The following MECOM variants were observed in gnomAD, a reference collection of about 807,000 sequenced individuals.
MECOM encodes MDS1 and EVI1 complex locus.
A neutral mutation model predicts 116.3 loss-of-function variants in MECOM; 13 were observed. The observed-to-expected ratio is 0.11, with a 90% CI of 0.07 to 0.18. The LOEUF (loss-of-function observed/expected upper bound fraction) is 0.18. MECOM is among the 10% of genes least tolerant of loss of function. The pLI, the probability that MECOM is intolerant of heterozygous loss-of-function variation, is 1.00. For synonymous variants in MECOM, 528 were observed against 535.2 expected (o/e 0.99, Z 0.19); for missense variants, 1,299 against 1,509.0 (o/e 0.86, Z 2.31).
At chr3:169,205,979 C>G (rs1261841026) in intron 2 of MECOM, among the ~76,000 whole-genome samples, 1 of 152,122 alleles carries the variant, frequency 6.6e-6, no homozygotes, top group Non-Finnish European at 1.5e-5. Context: ...TTGCATCTTC[C>G]CTTAGAAACA....
intron 1 of MECOM, among the ~76,000 whole-genome samples, chr3:169,412,951 T>C (rs1331151102): frequency 3.3e-5 from 5 of 152,268 alleles, no homozygotes; most frequent in Admixed American, 6.5e-5. Context: ...GTTTTATTCA[T>C]GGTCAAGATA....
chr3:169,505,626 G>A (rs1169449437), intron 1 of MECOM, among the ~76,000 whole-genome samples: 1 of 152,188 alleles, frequency 6.6e-6, no homozygotes, highest in East Asian at 1.9e-4. Context: ...TTTCAAGTAT[G>A]CAATACAATA....
intron 1 of MECOM, among the ~76,000 whole-genome samples, chr3:169,567,056 G>A (rs931340292): frequency 4.6e-5 from 7 of 152,142 alleles, no homozygotes; most frequent in Non-Finnish European, 8.8e-5. Flanking sequence ...GGTTTATGTC[G>A]TTGCCTCAAT....
At chr3:169,416,590 C>T (rs1578033527) in intron 1 of MECOM, among the ~76,000 whole-genome samples, 1 of 151,604 alleles carries the variant, frequency 6.6e-6, no homozygotes. Context: ...AATCCAGGAG[C>T]TGTTTTTTTT....
chr3:169,306,034 A>G (rs1300288667), intron 2 of MECOM, among the ~76,000 whole-genome samples: 4 of 152,126 alleles, frequency 2.6e-5, no homozygotes, highest in South Asian at 4.2e-4. Context: ...ATCTAGGTAC[A>G]TTGTTACCGC....
intron 1 of MECOM, among the ~76,000 whole-genome samples, chr3:169,655,458 A>G (rs1775428964): frequency 6.6e-6 from 1 of 152,218 alleles, no homozygotes; most frequent in African/African-American, 2.4e-5. Context: ...TTGCCTAATG[A>G]TAACTAGAGA....
intron 2 of MECOM, among the ~76,000 whole-genome samples, chr3:169,199,145 T>C (rs1278910942): frequency 3.3e-5 from 5 of 151,992 alleles, no homozygotes; most frequent in African/African-American, 7.2e-5. Context: ...AAGAATATAT[T>C]TGAAGTAGAA....
chr3:169,368,823 T>C (rs1258729496), intron 2 of MECOM, among the ~76,000 whole-genome samples: 1 of 152,038 alleles, frequency 6.6e-6, no homozygotes, highest in Non-Finnish European at 1.5e-5. Context: ...AGTTTTACTA[T>C]TGACTTAGTG....
chr3:169,577,017 T>C (rs1208660323), intron 1 of MECOM, among the ~76,000 whole-genome samples: 2 of 152,170 alleles, frequency 1.3e-5, no homozygotes, highest in Non-Finnish European at 2.9e-5. Flanking sequence ...TTAGACATGG[T>C]TTAGTGTAGG....
At chr3:169,435,487 C>G (rs1388219704) in intron 1 of MECOM, among the ~76,000 whole-genome samples, 2 of 151,982 alleles carry the variant, frequency 1.3e-5, no homozygotes, top group Admixed American at 6.6e-5. Context: ...GCCTGGGGAC[C>G]CAAAGGGAAG....
chr3:169,553,075 C>CA (rs879571672), intron 1 of MECOM, among the ~76,000 whole-genome samples: 105 of 134,570 alleles, frequency 7.8e-4, no homozygotes, highest in East Asian at 1.5e-3. Flanking sequence ...TTTTCAAAGA[C>CA]AAAAAAAAAA....
At chr3:169,252,602 G>T (rs1756384446) in intron 2 of MECOM, among the ~76,000 whole-genome samples, 1 of 151,808 alleles carries the variant, frequency 6.6e-6, no homozygotes, top group African/African-American at 2.4e-5. Flanking sequence ...ATGCAATCAA[G>T]TCTTAGGCTA....
chr3:169,594,072 G>A (rs1766770068), intron 1 of MECOM, among the ~76,000 whole-genome samples: 1 of 143,846 alleles, frequency 7.0e-6, no homozygotes, highest in African/African-American at 2.6e-5. Context: ...AGTGAGCCGA[G>A]ATTGCACCAC....
intron 1 of MECOM, 64 bp downstream of exon 1, chr3:169,663,272 G>A: frequency 6.4e-7 from 1 of 1,555,878 alleles, no homozygotes; most frequent in Non-Finnish European, 8.7e-7. Flanking sequence ...CGGAGCGCTA[G>A]AGACAGATAT....
At chr3:169,472,893 A>T in intron 1 of MECOM, 1 of 812,542 alleles carries the variant, frequency 1.2e-6, no homozygotes, top group Non-Finnish European at 1.5e-6. Flanking sequence ...TTGTGGTAAG[A>T]CAAATATGTC....
chr3:169,214,955 T>C (rs1004513977), intron 2 of MECOM, among the ~76,000 whole-genome samples: 1 of 149,222 alleles, frequency 6.7e-6, no homozygotes, highest in Admixed American at 6.7e-5. Flanking sequence ...GTGAATACCC[T>C]CTGCAAAAAT....
intron 2 of MECOM, among the ~76,000 whole-genome samples, chr3:169,155,055 C>T (rs1257249378): frequency 6.6e-6 from 1 of 152,136 alleles, no homozygotes; most frequent in Non-Finnish European, 1.5e-5. Flanking sequence ...AGTTTTGTTC[C>T]TACTGATATC....
chr3:169,297,647 T>A (rs1344797959), intron 2 of MECOM, among the ~76,000 whole-genome samples: 5 of 152,126 alleles, frequency 3.3e-5, no homozygotes, highest in African/African-American at 1.2e-4. Context: ...AAATATTATT[T>A]TAAAAAAAAT....
intron 2 of MECOM, among the ~76,000 whole-genome samples, chr3:169,197,297 G>A (rs922897218): frequency 4.0e-5 from 6 of 150,918 alleles, no homozygotes; most frequent in Admixed American, 6.6e-5. Flanking sequence ...ACCTGCACAA[G>A]TACTCCTGAA....
Sources: gnomAD v4.1 joint callset for allele counts (sites outside exome capture counted in the v4.1 genomes callset) on GRCh38, gnomAD v4.1.1 for gene constraint, MANE v1.5 for transcripts, NCBI Gene and HGNC (gene_info 2026-07-23, HGNC 2026-07-21) for gene names.